The following DLGAP1 variants were observed in gnomAD, a reference collection of about 807,000 sequenced individuals.
DLGAP1 encodes the protein disks large-associated protein 1.
A neutral mutation model predicts 90.8 loss-of-function variants in DLGAP1; 11 were observed. The ratio of observed to expected loss-of-function variants is 0.12; its 90% CI spans 0.08 to 0.20. The LOEUF (loss-of-function observed/expected upper bound fraction) is 0.20. Ranked by LOEUF, DLGAP1 falls within the 10% of genes least tolerant of loss-of-function variation. The probability of loss-of-function intolerance (pLI) is 1.00; values close to 1 mark genes in which losing one functional copy is unlikely to be tolerated. For synonymous variants in DLGAP1, 558 were observed against 540.7 expected, an observed-to-expected ratio of 1.03 and a Z score of -0.44; for missense variants, 1,050 against 1,333.8, an observed-to-expected ratio of 0.79 and a Z score of 3.31.
chr18:3,688,655 AC>A (rs1237245949), intron 7 of DLGAP1, among the ~76,000 whole-genome samples: 10,112 of 136,666 alleles, frequency 0.074, 566 homozygotes, highest in South Asian at 0.15. Flanking sequence ...ACACACACAC[AC>A]ACACACACAC....
intron 1 of DLGAP1, among the ~76,000 whole-genome samples, chr18:4,364,376 T>C (rs535871485): frequency 1.3e-5 from 2 of 151,688 alleles, no homozygotes; most frequent in East Asian, 3.9e-4. Context: ...CTGCACATTG[T>C]GCACATGTAC....
chr18:4,064,812 A>G (rs1430707323), intron 2 of DLGAP1, among the ~76,000 whole-genome samples: 1 of 152,006 alleles, frequency 6.6e-6, no homozygotes, highest in Non-Finnish European at 1.5e-5. Context: ...AAAAATTAAT[A>G]AGGAGGGATC....
intron 7 of DLGAP1, among the ~76,000 whole-genome samples, chr18:3,649,262 G>C (rs2059217004): frequency 6.6e-6 from 1 of 152,186 alleles, no homozygotes; most frequent in African/African-American, 2.4e-5. Context: ...AAAACAGACT[G>C]GGGGACAATC....
At chr18:4,413,051 A>G (rs2082814301) in intron 1 of DLGAP1, among the ~76,000 whole-genome samples, 1 of 151,888 alleles carries the variant, frequency 6.6e-6, no homozygotes. Context: ...CGTTTTTGAT[A>G]CTCCCTGCCC....
In DLGAP1 at chr18:3,582,254, A is replaced by G; in HGVS notation, c.1592-6T>C. The G allele has an allele frequency of 6.2e-7, 1 of 1,604,696 alleles. No homozygotes were observed. Among genetic ancestry groups the G allele is most frequent in the Non-Finnish European group, 8.5e-7 (1 of 1,174,350 alleles). The stretch of plus-strand genomic sequence containing the variant: ...TGTTGTAATGCAAGATGACACTGGA[A>G]GACAGTGAAAACAAAGACAATGTGA... On this transcript the variant is annotated splice_polypyrimidine_tract_variant and splice_region_variant and intron_variant, in intron 7 of 12. Transcript: ENST00000315677.
Position 3,837,651 on chromosome 18 carries a change from C to T in DLGAP1, c.958-23378G>A, listed in dbSNP as rs150202842. On this transcript the variant is annotated intron_variant, in intron 4 of 12. Transcript: ENST00000315677. ...ATTGCCTGAGCTCGGGAGTTTGAGACCAGCCTGGGCAACATGGTGAAACCC... is the reference window on the plus strand; with the variant it reads ...ATTGCCTGAGCTCGGGAGTTTGAGATCAGCCTGGGCAACATGGTGAAACCC... Among the ~76,000 whole-genome samples, 476 of 151,952 alleles carry T rather than the reference C, an allele frequency of 3.1e-3. 3 individuals are homozygous for T. Among genetic ancestry groups the T allele is most frequent in the African/African-American group, 9.9e-3 (412 of 41,438 alleles).
At chr18:3,699,672 G>C (rs2061213968) in intron 7 of DLGAP1, among the ~76,000 whole-genome samples, 1 of 152,158 alleles carries the variant, frequency 6.6e-6, no homozygotes, top group South Asian at 2.1e-4. Context: ...ACTGTGCTGG[G>C]AGATCCACTG....
chr18:3,518,208 G>T (rs1358769242), intron 10 of DLGAP1, among the ~76,000 whole-genome samples: 2 of 152,198 alleles, frequency 1.3e-5, no homozygotes, highest in Admixed American at 6.5e-5. Flanking sequence ...GTGACTCAAG[G>T]CATAGGAAGG....
intron 5 of DLGAP1, among the ~76,000 whole-genome samples, chr18:3,785,316 C>T (rs1052383729): frequency 2.6e-5 from 4 of 152,210 alleles, no homozygotes; most frequent in African/African-American, 9.6e-5. Context: ...AGGGGACAGC[C>T]TGTTCCTTTG....
intron 9 of DLGAP1, among the ~76,000 whole-genome samples, chr18:3,545,018 C>T (rs112252214): frequency 3.9e-5 from 6 of 152,072 alleles, no homozygotes; most frequent in African/African-American, 1.4e-4. Context: ...CCTGTAATCC[C>T]AGCATTTTGG....
intron 1 of DLGAP1, among the ~76,000 whole-genome samples, chr18:4,313,317 G>A (rs1416665443): frequency 6.6e-6 from 1 of 152,170 alleles, no homozygotes; most frequent in Non-Finnish European, 1.5e-5. Flanking sequence ...CTGGGTAATG[G>A]GAGTGGAGAC....
intron 1 of DLGAP1, among the ~76,000 whole-genome samples, chr18:4,241,645 T>C (rs2078536435): frequency 6.6e-6 from 1 of 152,168 alleles, no homozygotes; most frequent in Non-Finnish European, 1.5e-5. Flanking sequence ...CAAATAGAAA[T>C]GCAAAATCCA....
At chr18:3,870,832 G>A (rs918678500) in intron 4 of DLGAP1, among the ~76,000 whole-genome samples, 1 of 152,178 alleles carries the variant, frequency 6.6e-6, no homozygotes, top group Non-Finnish European at 1.5e-5. Context: ...AATGTGTTCT[G>A]CTCTATGCAT....
At chr18:4,009,050 G>C (rs1156749306) in intron 2 of DLGAP1, among the ~76,000 whole-genome samples, 1 of 152,128 alleles carries the variant, frequency 6.6e-6, no homozygotes, top group African/African-American at 2.4e-5. Context: ...ACTGCAAGGC[G>C]CCCGCCACCA....
At chr18:4,154,830 C>T (rs1291404100) in intron 1 of DLGAP1, among the ~76,000 whole-genome samples, 1 of 152,146 alleles carries the variant, frequency 6.6e-6, no homozygotes, top group Non-Finnish European at 1.5e-5. Flanking sequence ...ATTCGCCCCA[C>T]CGTTCTGCAA....
intron 3 of DLGAP1, among the ~76,000 whole-genome samples, chr18:3,969,322 C>G (rs2073395434): frequency 6.6e-6 from 1 of 152,158 alleles, no homozygotes; most frequent in South Asian, 2.1e-4. Flanking sequence ...TTTAGTCATT[C>G]CTTCTTGAAG....
chr18:4,174,968 C>T lies in DLGAP1; in HGVS notation c.-266-23681G>A, dbSNP rs1344504002. Among the ~76,000 whole-genome samples, 7 of 152,246 alleles carry T rather than the reference C, an allele frequency of 4.6e-5. No individual in the cohort carries two copies. The East Asian group carries it at 1.2e-3, about 25-fold the overall frequency. ...ATTTTTTTATGGCTCTGTAGTTTTC[C>T]ACAGTGTATATGTACCACCTTTTCT... On this transcript the variant is annotated intron_variant, in intron 1 of 12. Coordinates refer to ENST00000315677, the MANE Select transcript of DLGAP1 (RefSeq NM_004746.4).
chr18:3,962,705 C>T (rs976055621), intron 3 of DLGAP1, among the ~76,000 whole-genome samples: 6 of 152,106 alleles, frequency 3.9e-5, no homozygotes, highest in Non-Finnish European at 7.4e-5. Context: ...TTTAGGAATC[C>T]TTCCAGGACA....
intron 7 of DLGAP1, among the ~76,000 whole-genome samples, chr18:3,700,691 G>A (rs2061251603): frequency 6.6e-6 from 1 of 151,312 alleles, no homozygotes; most frequent in African/African-American, 2.4e-5. Flanking sequence ...CTCACTGCAA[G>A]CTCTACCTCC....
Sources: gnomAD v4.1 joint callset for allele counts (sites outside exome capture counted in the v4.1 genomes callset) on GRCh38, gnomAD v4.1.1 for gene constraint, MANE v1.5 for transcripts, NCBI Gene and HGNC (gene_info 2026-07-23, HGNC 2026-07-21) for gene names.